The following ADH1A variants were observed in gnomAD, a reference collection of about 807,000 sequenced individuals.
ADH1A encodes alcohol dehydrogenase 1A.
In ADH1A, 29 loss-of-function variants were observed where a neutral mutation model predicts 35.2. The ratio of observed to expected loss-of-function variants is 0.82; its 90% CI spans 0.61 to 1.12. ADH1A has a LOEUF of 1.12. Ranked by LOEUF, ADH1A falls within the 50% of genes most tolerant of loss-of-function variation. The probability of loss-of-function intolerance (pLI) is 0.00; values close to 1 mark genes in which losing one functional copy is unlikely to be tolerated. For synonymous variants in ADH1A, 147 were observed against 164.8 expected, an observed-to-expected ratio of 0.89 and a Z score of 0.83; for missense variants, 469 against 464.7, an observed-to-expected ratio of 1.01 and a Z score of -0.09.
chr4:99,276,555 G>T lies in ADH1A; in HGVS notation c.*69C>A. On this transcript the variant is annotated 3_prime_UTR_variant, in exon 9 of 9. Transcript: ENST00000209668. ...TGAGCAGAATTAATGATATTTCCCA[G>T]CTGTTGCTCCAGATCATGTAGGGTA... The T allele has an allele frequency of 7.5e-7, 1 of 1,335,448 alleles. No individual in the cohort carries two copies. The highest frequency in any genetic ancestry group is 1.1e-6 in the Non-Finnish European group (1 of 928,732). The allele number at this position is 1,335,448 out of a possible 1,614,324, so 82.7% of individuals were successfully genotyped here.
chr4:99,281,231 A>G (rs1269192468), intron 6 of ADH1A: 1 of 152,114 alleles, frequency 6.6e-6, no homozygotes. Flanking sequence ...CCCATTACCC[A>G]CACTGCTGGA....
Position 99,284,608 on chromosome 4 carries a change from G to A in ADH1A, c.358C>T (p.Pro120Ser). 1 of 1,614,210 alleles carries A rather than the reference G, an allele frequency of 6.2e-7. No homozygotes were observed. Among genetic ancestry groups the A allele is most frequent in the Admixed American group, 1.7e-5 (1 of 60,026 alleles). ...GTGCCATCCTGCAGGGTCCCCTGAG[G>A]ATTGCTTACACTGGACAGTGCAATA... ...NYCLKNDVSN[P>S]QGTLQDGTSR... The change falls in exon 5 of 9, where the codon CCT becomes TCT. Residue 120 changes from proline (P) to serine (S), a missense_variant. Transcript: ENST00000209668.
At chr4:99,285,330 T>C (rs1475143425) in intron 3 of ADH1A, among the ~76,000 whole-genome samples, 1 of 152,180 alleles carries the variant, frequency 6.6e-6, no homozygotes, top group African/African-American at 2.4e-5. Flanking sequence ...ATGATCTCAG[T>C]TCTTTTTTTG....
intron 8 of ADH1A, chr4:99,278,493 C>A (rs1366294962): frequency 6.6e-6 from 1 of 152,124 alleles, no homozygotes; most frequent in African/African-American, 2.4e-5. Context: ...GCCTGGGAAT[C>A]ACATAAGATA....
intron 6 of ADH1A, chr4:99,282,093 T>A (rs1733020092): frequency 1.7e-6 from 1 of 605,726 alleles, no homozygotes; most frequent in African/African-American, 1.8e-5. Flanking sequence ...AGTAATCTAT[T>A]ATCACTCAGT....
In ADH1A at chr4:99,282,385, C is replaced by T. The variant is rs769662387; in HGVS notation, c.789G>A (p.Val263=). The change falls in exon 6 of 9, where the codon GTG becomes GTA. Residue 263 remains valine, a synonymous_variant. Coordinates refer to ENST00000209668, the MANE Select transcript of ADH1A (RefSeq NM_000667.4). The part of the protein sequence containing the change: ...EVLKEMTDGG[V]DFSFEVIGRL... ...GACCGATGACTTCAAATGAAAAATC[C>T]ACACCTCCATCAGTCATTTCCTTTA... 4 of 1,614,102 alleles carry T rather than the reference C, an allele frequency of 2.5e-6. No individual in the cohort carries two copies. In the South Asian group the frequency reaches 4.4e-5, roughly 18 times the overall value.
intron 3 of ADH1A, 128 bp from the exon 4 acceptor site, chr4:99,284,931 C>A: frequency 1.2e-6 from 1 of 856,872 alleles, no homozygotes; most frequent in Non-Finnish European, 1.8e-6. Flanking sequence ...AAATACAGTC[C>A]AATCACAAAT....
chr4:99,281,504 G>A (rs1733000452), intron 6 of ADH1A, among the ~76,000 whole-genome samples: 1 of 152,122 alleles, frequency 6.6e-6, no homozygotes, highest in South Asian at 2.1e-4. Context: ...ATTTTTGGAG[G>A]GTGAGGTAGG....
chr4:99,284,200 A>G (rs1320565890), intron 5 of ADH1A, among the ~76,000 whole-genome samples, 199 bp downstream of exon 5: 1 of 152,198 alleles, frequency 6.6e-6, no homozygotes, highest in Non-Finnish European at 1.5e-5. Flanking sequence ...TACATTTTCT[A>G]AACTCTCAAC....
chr4:99,282,026 A>G (rs994319644), intron 6 of ADH1A: 5 of 340,738 alleles, frequency 1.5e-5, no homozygotes, highest in Admixed American at 1.3e-4. Context: ...ATTTGAGAAC[A>G]GAACTTGTAT....
chr4:99,284,900 G>T, intron 3 of ADH1A, 97 bp from the exon 4 acceptor site: 1 of 1,097,466 alleles, frequency 9.1e-7, no homozygotes, highest in Non-Finnish European at 1.3e-6. Flanking sequence ...TTAGAAACAT[G>T]TGTCTTTAAA....
intron 8 of ADH1A, 141 bp from the exon 9 acceptor site, chr4:99,276,789 G>T: frequency 1.4e-6 from 1 of 735,556 alleles, no homozygotes; most frequent in Non-Finnish European, 2.3e-6. Context: ...CGGGTCAAGT[G>T]AAGTCAAAGG....
At chr4:99,279,376 C>A in intron 8 of ADH1A, 50 bp downstream of exon 8, 3 of 1,555,794 alleles carry the variant, frequency 1.9e-6, no homozygotes, top group East Asian at 2.3e-5. Context: ...GCTAGACAAT[C>A]CCCTATGGTA....
At chr4:99,283,834 A>G (rs1733065075) in intron 5 of ADH1A, among the ~76,000 whole-genome samples, 1 of 152,166 alleles carries the variant, frequency 6.6e-6, no homozygotes, top group South Asian at 2.1e-4. Flanking sequence ...AGTTAGTTTT[A>G]GCAGTGAAAT....
chr4:99,286,104 G>A (rs1369823532), intron 3 of ADH1A, among the ~76,000 whole-genome samples: 1 of 149,028 alleles, frequency 6.7e-6, no homozygotes, highest in Non-Finnish European at 1.5e-5. Context: ...TATTCCACAA[G>A]ACCAAGAAAA....
At chr4:99,280,736 C>T (rs1461667451) in intron 6 of ADH1A, among the ~76,000 whole-genome samples, 1 of 152,130 alleles carries the variant, frequency 6.6e-6, no homozygotes, top group Non-Finnish European at 1.5e-5. Flanking sequence ...AAAGTAGTCT[C>T]TTGTCCACTT....
chr4:99,286,557 C>T (rs1413119310), intron 3 of ADH1A: 2 of 342,604 alleles, frequency 5.8e-6, no homozygotes, highest in Non-Finnish European at 1.1e-5. Context: ...ATGAATGCCA[C>T]ACTAGTAGGC....
chr4:99,284,051 T>C (rs1004704639), intron 5 of ADH1A, among the ~76,000 whole-genome samples: 13 of 152,198 alleles, frequency 8.5e-5, no homozygotes, highest in Non-Finnish European at 1.2e-4. Context: ...TGTCAGAGCC[T>C]AGCAGAACCT....
At chr4:99,285,211 T>C (rs751848464) in intron 3 of ADH1A, among the ~76,000 whole-genome samples, 1 of 152,250 alleles carries the variant, frequency 6.6e-6, no homozygotes, top group Non-Finnish European at 1.5e-5. Context: ...TAGATGTTGG[T>C]AAGACCTGTT....
Sources: allele counts gnomAD v4.1 joint callset (sites outside exome capture counted in the v4.1 genomes callset), GRCh38; gene constraint gnomAD v4.1.1; transcripts MANE v1.5; gene names NCBI Gene and HGNC (gene_info 2026-07-23, HGNC 2026-07-21).